RAP1B: variants seen among roughly 807,000 people sequenced by gnomAD.
The protein encoded by RAP1B is RAP1B, member of RAS oncogene family, also known as ras-related protein Rap-1b.
In RAP1B, 1 loss-of-function variant was observed where a neutral mutation model predicts 27.5. That is an observed-to-expected ratio of 0.04 (90% CI 0.01 to 0.17). RAP1B has a LOEUF of 0.17. Among genes scored for constraint, RAP1B ranks in the 10% least tolerant of loss-of-function variants. RAP1B has a pLI of 1.00. For missense variants in RAP1B, 84 were observed against 214.8 expected, an observed-to-expected ratio of 0.39 and a Z score of 3.81; for synonymous variants, 75 against 73.1, an observed-to-expected ratio of 1.03 and a Z score of -0.13.
intron 5 of RAP1B, 99 bp from the exon 6 acceptor site, chr12:68,656,207 T>A: frequency 1.8e-6 from 2 of 1,084,886 alleles, no homozygotes; most frequent in Middle Eastern, 4.9e-4. Flanking sequence ...TTGTGGCATA[T>A]GAAAAGTAAT....
chr12:68,648,213 T>A (rs1565670900), intron 1 of RAP1B: 1 of 154,144 alleles, frequency 6.5e-6, no homozygotes. Context: ...CTGCCTCTGA[T>A]TCAAGACCAT....
At chr12:68,620,118 T>G (rs1324513009) in intron 1 of RAP1B, among the ~76,000 whole-genome samples, 1 of 152,056 alleles carries the variant, frequency 6.6e-6, no homozygotes, top group Admixed American at 6.6e-5. Context: ...GTAGACACTT[T>G]TCAAAAACAC....
intron 1 of RAP1B, among the ~76,000 whole-genome samples, chr12:68,618,086 CT>C (rs36224976): frequency 1.6e-3 from 99 of 60,780 alleles, no homozygotes; most frequent in Middle Eastern, 0.024. Context: ...TTCTATAAAG[CT>C]TTTTTTTTTT....
chr12:68,613,212 T>C (rs1469530355), intron 1 of RAP1B, among the ~76,000 whole-genome samples: 1 of 151,818 alleles, frequency 6.6e-6, no homozygotes, highest in Non-Finnish European at 1.5e-5. Flanking sequence ...ATACAAAACA[T>C]AGCCGGGTGT....
At chr12:68,625,876 C>A (rs112776045) in intron 1 of RAP1B, among the ~76,000 whole-genome samples, 1 of 151,384 alleles carries the variant, frequency 6.6e-6, no homozygotes, top group Admixed American at 6.6e-5. Flanking sequence ...GAGCCAAGAT[C>A]GTGCCGCTGC....
At chr12:68,634,211 G>A (rs1156788549) in intron 1 of RAP1B, among the ~76,000 whole-genome samples, 1 of 152,154 alleles carries the variant, frequency 6.6e-6, no homozygotes, top group East Asian at 1.9e-4. Context: ...ACATTTACTG[G>A]CTACTTCCTA....
Position 68,668,406 on chromosome 12 carries a change from G to C in RAP1B, c.*9157G>C. On this transcript the variant is annotated 3_prime_UTR_variant, in exon 8 of 8. Coordinates refer to ENST00000250559, the MANE Select transcript of RAP1B (RefSeq NM_001010942.3). ...CTAAAACTCACTCAGAGGAGCAAGT[G>C]AAATTTGTCACAATTGGCTCGACTG... The C allele has an allele frequency of 6.6e-6, 1 of 152,186 alleles. No homozygotes were observed. Among genetic ancestry groups the C allele is most frequent in the East Asian group, 1.9e-4 (1 of 5,198 alleles). 9.4% of individuals were successfully genotyped at this position (152,186 alleles called of 1,614,324 possible).
chr12:68,620,363 G>A (rs1196039653), intron 1 of RAP1B, among the ~76,000 whole-genome samples: 1 of 151,506 alleles, frequency 6.6e-6, no homozygotes, highest in African/African-American at 2.4e-5. Context: ...AGCTGGGATT[G>A]CAGGCACCAC....
intron 1 of RAP1B, among the ~76,000 whole-genome samples, chr12:68,617,753 A>G (rs1293554756): frequency 6.6e-6 from 1 of 151,882 alleles, no homozygotes; most frequent in African/African-American, 2.4e-5. Context: ...CATAAACCAT[A>G]AAATAATACA....
intron 1 of RAP1B, among the ~76,000 whole-genome samples, chr12:68,635,588 TG>T (rs1872573477): frequency 6.6e-6 from 1 of 152,086 alleles, no homozygotes; most frequent in Admixed American, 6.6e-5. Flanking sequence ...CCCTAATAGC[TG>T]GGATTACAGG....
At chr12:68,646,566 G>T (rs532777058) in intron 1 of RAP1B, among the ~76,000 whole-genome samples, 3 of 152,286 alleles carry the variant, frequency 2.0e-5, no homozygotes, top group African/African-American at 7.2e-5. Context: ...AGGATTACAG[G>T]TGTGGGCCAC....
At chr12:68,642,086 G>T (rs117433632) in intron 1 of RAP1B, among the ~76,000 whole-genome samples, 3 of 152,068 alleles carry the variant, frequency 2.0e-5, no homozygotes, top group Admixed American at 2.0e-4. Context: ...GAAGATCCAG[G>T]AGTCCCTCAT....
At chr12:68,622,129 C>T (rs1324524116) in intron 1 of RAP1B, among the ~76,000 whole-genome samples, 2 of 152,176 alleles carry the variant, frequency 1.3e-5, no homozygotes, top group Non-Finnish European at 2.9e-5. Context: ...AAACTTTGAA[C>T]AAGTTAACTC....
intron 1 of RAP1B, among the ~76,000 whole-genome samples, chr12:68,635,928 G>C (rs974508336): frequency 6.6e-6 from 1 of 152,006 alleles, no homozygotes; most frequent in African/African-American, 2.4e-5. Context: ...GCCCAGGCTT[G>C]AGTGCAGTGG....
chr12:68,631,026 T>A (rs1872196971), intron 1 of RAP1B, among the ~76,000 whole-genome samples: 1 of 152,098 alleles, frequency 6.6e-6, no homozygotes, highest in South Asian at 2.1e-4. Context: ...TTAATACATG[T>A]GAGGTTGTAG....
At chr12:68,612,813 T>G (rs143670999) in intron 1 of RAP1B, among the ~76,000 whole-genome samples, 4 of 151,818 alleles carry the variant, frequency 2.6e-5, no homozygotes, top group East Asian at 1.9e-4. Flanking sequence ...TGTTTTCACT[T>G]GCATTTCCTT....
chr12:68,650,301 A>T, intron 2 of RAP1B, 99 bp from the exon 3 acceptor site: 12 of 1,063,622 alleles, frequency 1.1e-5, no homozygotes, highest in East Asian at 6.9e-5. Flanking sequence ...TTTTTCATTG[A>T]TGGTGTAACT....
intron 1 of RAP1B, among the ~76,000 whole-genome samples, chr12:68,612,088 G>A (rs1870643622): frequency 6.6e-6 from 1 of 152,146 alleles, no homozygotes; most frequent in South Asian, 2.1e-4. Flanking sequence ...GCAGTAAGGG[G>A]AAATCACATT....
chr12:68,625,362 T>C (rs573628983), intron 1 of RAP1B, among the ~76,000 whole-genome samples: 27 of 152,304 alleles, frequency 1.8e-4, no homozygotes, highest in Non-Finnish European at 1.6e-4. Context: ...ATAACACAAT[T>C]AGCTGCATAA....
Sources: gnomAD v4.1 joint callset for allele counts (sites outside exome capture counted in the v4.1 genomes callset) on GRCh38, gnomAD v4.1.1 for gene constraint, MANE v1.5 for transcripts, NCBI Gene and HGNC (gene_info 2026-07-23, HGNC 2026-07-21) for gene names.